The following NRXN3 variants were observed in gnomAD, a reference collection of about 807,000 sequenced individuals.
NRXN3 encodes the protein neurexin III.
In NRXN3, 32 loss-of-function variants were observed where a neutral mutation model predicts 137.6. The ratio of observed to expected loss-of-function variants is 0.23; its 90% CI spans 0.18 to 0.31. NRXN3 has a LOEUF of 0.31. Ranked by LOEUF, NRXN3 falls within the 10% of genes least tolerant of loss-of-function variation. The pLI is 1.00. For synonymous variants in NRXN3, 798 were observed against 784.5 expected (o/e 1.02, Z -0.29); for missense variants, 1,574 against 2,062.5 (o/e 0.76, Z 4.59).
intron 15 of NRXN3, among the ~76,000 whole-genome samples, chr14:79,177,181 C>T (rs1331280528): frequency 6.6e-6 from 1 of 152,156 alleles, no homozygotes; most frequent in East Asian, 1.9e-4. Flanking sequence ...TACATAACTA[C>T]AGCACAATTA....
At chr14:78,364,596 C>T (rs566248371) in intron 4 of NRXN3, among the ~76,000 whole-genome samples, 16 of 152,226 alleles carry the variant, frequency 1.1e-4, no homozygotes, top group African/African-American at 3.1e-4. Context: ...ATGTGTCATA[C>T]GTATCCTGAA....
At chr14:79,835,494 A>G (rs894139745) in intron 20 of NRXN3, among the ~76,000 whole-genome samples, 5 of 152,158 alleles carry the variant, frequency 3.3e-5, no homozygotes, top group African/African-American at 1.2e-4. Context: ...CTTTGAAATA[A>G]TTCAGCATCT....
intron 10 of NRXN3, among the ~76,000 whole-genome samples, chr14:78,942,388 T>A (rs1483148434): frequency 6.6e-6 from 1 of 152,192 alleles, no homozygotes; most frequent in African/African-American, 2.4e-5. Context: ...CAATGAGTGT[T>A]TCAGAGCTGA....
At chr14:78,496,713 G>C (rs1023153800) in intron 4 of NRXN3, among the ~76,000 whole-genome samples, 1 of 152,050 alleles carries the variant, frequency 6.6e-6, no homozygotes, top group African/African-American at 2.4e-5. Flanking sequence ...AGGGTAAGAG[G>C]ATAGAGGTGC....
chr14:79,113,135 C>T (rs1233982438), intron 15 of NRXN3, among the ~76,000 whole-genome samples: 2 of 152,132 alleles, frequency 1.3e-5, no homozygotes, highest in African/African-American at 4.8e-5. Context: ...ACCAGCAGCA[C>T]TCCCCTTCCA....
intron 4 of NRXN3, among the ~76,000 whole-genome samples, chr14:78,346,680 C>T (rs1007000153): frequency 1.3e-5 from 2 of 152,198 alleles, no homozygotes; most frequent in African/African-American, 2.4e-5. Context: ...TGTTACTGCA[C>T]TGTCTGCACC....
At chr14:78,398,629 G>A (rs2091753595) in intron 4 of NRXN3, among the ~76,000 whole-genome samples, 1 of 152,120 alleles carries the variant, frequency 6.6e-6, no homozygotes, top group South Asian at 2.1e-4. Context: ...TATTCCCCAT[G>A]TGGCCTCCAT....
At chr14:78,475,604 G>A (rs2153733569) in intron 4 of NRXN3, among the ~76,000 whole-genome samples, 1 of 152,298 alleles carries the variant, frequency 6.6e-6, no homozygotes, top group Middle Eastern at 3.4e-3. Context: ...GTTGAATAGA[G>A]CACAGCCAAA....
chr14:79,016,294 A>G (rs2099579150), intron 15 of NRXN3, among the ~76,000 whole-genome samples: 1 of 152,114 alleles, frequency 6.6e-6, no homozygotes, highest in Non-Finnish European at 1.5e-5. Context: ...TTTGGTTTAG[A>G]AGGTTTTCTT....
At chr14:78,834,997 G>A (rs1358823463) in intron 10 of NRXN3, among the ~76,000 whole-genome samples, 1 of 151,592 alleles carries the variant, frequency 6.6e-6, no homozygotes, top group Non-Finnish European at 1.5e-5. Context: ...TTTACAGGCT[G>A]TCTTGCTAAA....
intron 15 of NRXN3, among the ~76,000 whole-genome samples, chr14:79,242,576 C>A (rs1288966542): frequency 6.6e-6 from 1 of 152,112 alleles, no homozygotes; most frequent in Non-Finnish European, 1.5e-5. Context: ...TTACCTCCAG[C>A]GAGGAGAGTA....
At chr14:79,261,979 G>A (rs1015369787) in intron 15 of NRXN3, among the ~76,000 whole-genome samples, 1 of 152,086 alleles carries the variant, frequency 6.6e-6, no homozygotes, top group African/African-American at 2.4e-5. Context: ...AGTAAAGAAG[G>A]AAGCATGTCC....
rs2099467799 is a variant in NRXN3, at chr14:78,976,672, AAAT to A, written c.3142+8332_3142+8334del. On this transcript the variant is annotated intron_variant, in intron 14 of 20. Transcript: ENST00000335750. ...TCCTCAAAATGCTTTCTATTGTGGAAAATAATAAGAGAGACATAAATTGCAGTG... is the reference window on the plus strand; with the variant it reads ...TCCTCAAAATGCTTTCTATTGTGGAAAATAAGAGAGACATAAATTGCAGTG... 3.3e-5 allele frequency among the ~76,000 whole-genome samples: 5 copies of A among 152,294 alleles called. No individual in the cohort carries two copies. In the South Asian group the frequency reaches 1.0e-3, roughly 32 times the overall value.
intron 15 of NRXN3, among the ~76,000 whole-genome samples, chr14:79,323,293 T>A (rs1307013145): frequency 6.6e-6 from 1 of 152,146 alleles, no homozygotes; most frequent in Non-Finnish European, 1.5e-5. Context: ...CCTCTTGTCT[T>A]AGTCTTCCAA....
At chr14:79,234,404 G>A (rs969309223) in intron 15 of NRXN3, among the ~76,000 whole-genome samples, 8 of 141,056 alleles carry the variant, frequency 5.7e-5, no homozygotes, top group African/African-American at 2.1e-4. Flanking sequence ...TTATTTTTGA[G>A]ACAGAGTCTG....
In NRXN3 at chr14:79,505,384, C is replaced by T. The variant is rs569949939; in HGVS notation, c.3444+37982C>T. On this transcript the variant is annotated intron_variant, in intron 16 of 20. Transcript: ENST00000335750. ...AGTTGGCCAGTAGAGATGCTACCAT[C>T]TTCAGCATGTCTTCCAAAAGCTTCC... Among the ~76,000 whole-genome samples the T allele has an allele frequency of 2.0e-5, 3 of 152,158 alleles. No individual in the cohort carries two copies. In the South Asian group the frequency reaches 6.3e-4, roughly 32 times the overall value.
intron 19 of NRXN3, among the ~76,000 whole-genome samples, chr14:79,756,854 A>G (rs1488297242): frequency 1.3e-5 from 2 of 152,204 alleles, no homozygotes; most frequent in African/African-American, 4.8e-5. Context: ...TGGGAACCCG[A>G]AAGTTCAGCT....
chr14:79,607,015 G>A (rs932858327), intron 16 of NRXN3, among the ~76,000 whole-genome samples: 1 of 152,170 alleles, frequency 6.6e-6, no homozygotes, highest in Admixed American at 6.5e-5. Context: ...AAACTTCTGT[G>A]TAAGTTTCAC....
At chr14:78,979,051 C>T (rs1408181938) in intron 14 of NRXN3, among the ~76,000 whole-genome samples, 1 of 152,002 alleles carries the variant, frequency 6.6e-6, no homozygotes, top group Non-Finnish European at 1.5e-5. Context: ...ATTCCTCCTT[C>T]CTCTGCCTTT....
Sources: gnomAD v4.1 joint callset for allele counts (sites outside exome capture counted in the v4.1 genomes callset) on GRCh38, gnomAD v4.1.1 for gene constraint, MANE v1.5 for transcripts, NCBI Gene and HGNC (gene_info 2026-07-23, HGNC 2026-07-21) for gene names.